RIN3: variants seen among roughly 807,000 people sequenced by gnomAD.
RIN3 encodes the protein RAB5 interacting protein 3.
In RIN3, 54 loss-of-function variants were observed where a neutral mutation model predicts 76.3. The observed-to-expected ratio is 0.71, with a 90% CI of 0.57 to 0.89. The LOEUF is 0.89. RIN3 is among the 40% of genes least tolerant of loss of function. The probability of loss-of-function intolerance (pLI) is 0.00; values close to 1 mark genes in which losing one functional copy is unlikely to be tolerated. For synonymous variants in RIN3, 576 were observed against 564.0 expected (o/e 1.02, Z -0.30); for missense variants, 1,256 against 1,322.1 (o/e 0.95, Z 0.78).
At position 92,540,787 on chromosome 14, in the gene RIN3, C is replaced by G. The variant is rs552595975; in HGVS notation, c.45-14964C>G. Among the ~76,000 whole-genome samples, 51 of 152,292 alleles carry G rather than the reference C, an allele frequency of 3.3e-4. 1 individual carries two copies. In the South Asian group the frequency reaches 0.01, roughly 31 times the overall value. ...GGGCCAGCCTGGCTTGGAAGAGAAG[C>G]CTTCAGGTGGCAGCTAGCCAAGGGT... On this transcript the variant is annotated intron_variant, in intron 1 of 9. Coordinates refer to ENST00000216487, the MANE Select transcript of RIN3 (RefSeq NM_024832.5).
intron 4 of RIN3, among the ~76,000 whole-genome samples, chr14:92,624,827 T>C (rs542223824): frequency 6.6e-6 from 1 of 152,360 alleles, no homozygotes; most frequent in Non-Finnish European, 1.5e-5. Flanking sequence ...CCTGGGACTA[T>C]GGCCCATGAC....
At chr14:92,670,073 T>C (rs1047644457) in intron 7 of RIN3, among the ~76,000 whole-genome samples, 12 of 151,784 alleles carry the variant, frequency 7.9e-5, no homozygotes, top group East Asian at 3.9e-4. Flanking sequence ...TTTTTTTTTT[T>C]TTTTAAGTAG....
chr14:92,674,028 A>T (rs111625149), intron 7 of RIN3, among the ~76,000 whole-genome samples: 115 of 152,298 alleles, frequency 7.6e-4, no homozygotes, highest in African/African-American at 2.4e-3. Flanking sequence ...AAAATATGAG[A>T]GGCTATTTTG....
chr14:92,569,299 G>A (rs993134486), intron 2 of RIN3, among the ~76,000 whole-genome samples: 2 of 152,180 alleles, frequency 1.3e-5, no homozygotes, highest in Non-Finnish European at 1.5e-5. Flanking sequence ...TGAGTGGAGC[G>A]TGGTCCTCAG....
chr14:92,559,722 C>A (rs1380448103), intron 2 of RIN3, among the ~76,000 whole-genome samples: 1 of 152,116 alleles, frequency 6.6e-6, no homozygotes, highest in Non-Finnish European at 1.5e-5. Context: ...AATGGATGGG[C>A]AGGTTGGGAT....
chr14:92,561,255 T>C (rs199735121), intron 2 of RIN3, among the ~76,000 whole-genome samples: 186 of 150,212 alleles, frequency 1.2e-3, no homozygotes, highest in East Asian at 0.011. Flanking sequence ...CTGGCACCGA[T>C]GAAAGACAGT....
chr14:92,613,123 C>T (rs764973376), intron 3 of RIN3, among the ~76,000 whole-genome samples: 11 of 152,218 alleles, frequency 7.2e-5, no homozygotes, highest in East Asian at 1.9e-4. Flanking sequence ...CACTAACCCA[C>T]TCCAGGCATT....
chr14:92,600,396 G>A (rs1026336668), intron 3 of RIN3, among the ~76,000 whole-genome samples: 2 of 152,096 alleles, frequency 1.3e-5, no homozygotes, highest in African/African-American at 4.8e-5. Context: ...GATGCCTAAG[G>A]GGGGTGGGAA....
intron 6 of RIN3, among the ~76,000 whole-genome samples, chr14:92,653,957 G>A (rs1887567524): frequency 6.6e-6 from 1 of 152,152 alleles, no homozygotes; most frequent in Non-Finnish European, 1.5e-5. Context: ...GGCCAAGGCT[G>A]CAAAGAACCA....
chr14:92,533,875 T>G (rs1381155429), intron 1 of RIN3, among the ~76,000 whole-genome samples: 1 of 152,074 alleles, frequency 6.6e-6, no homozygotes, highest in Non-Finnish European at 1.5e-5. Context: ...GAAATAAAAA[T>G]TTTGTTTTAA....
intron 4 of RIN3, among the ~76,000 whole-genome samples, chr14:92,622,737 C>T (rs1886227503): frequency 1.3e-5 from 2 of 152,152 alleles, no homozygotes; most frequent in East Asian, 1.9e-4. Flanking sequence ...AGGTATAGTA[C>T]ATTTTGGGGT....
chr14:92,540,940 A>T (rs1460015656), intron 1 of RIN3, among the ~76,000 whole-genome samples: 2 of 152,226 alleles, frequency 1.3e-5, no homozygotes, highest in Non-Finnish European at 2.9e-5. Context: ...GGCAGACATC[A>T]CTAGCAGATT....
intron 2 of RIN3, among the ~76,000 whole-genome samples, chr14:92,572,453 A>G (rs943992087): frequency 6.6e-6 from 1 of 152,116 alleles, no homozygotes; most frequent in Non-Finnish European, 1.5e-5. Flanking sequence ...GTTTTTTTCT[A>G]TCTCTTGGGA....
chr14:92,559,758 G>A (rs1897709985), intron 2 of RIN3, among the ~76,000 whole-genome samples: 1 of 152,238 alleles, frequency 6.6e-6, no homozygotes, highest in South Asian at 2.1e-4. Flanking sequence ...GTCTGCTGGA[G>A]AGTAGCAGGT....
intron 8 of RIN3, among the ~76,000 whole-genome samples, chr14:92,680,596 T>C (rs1383583582): frequency 6.6e-6 from 1 of 152,022 alleles, no homozygotes; most frequent in Non-Finnish European, 1.5e-5. Context: ...CACCATCACA[T>C]TGGAGGTTAG....
intron 1 of RIN3, among the ~76,000 whole-genome samples, chr14:92,541,897 A>T (rs1261094563): frequency 6.6e-6 from 1 of 152,262 alleles, no homozygotes; most frequent in Non-Finnish European, 1.5e-5. Flanking sequence ...TAAGGGGCTT[A>T]TATCCAGAAT....
chr14:92,649,810 T>C (rs1595482665), intron 5 of RIN3, among the ~76,000 whole-genome samples: 1 of 152,186 alleles, frequency 6.6e-6, no homozygotes, highest in Admixed American at 6.5e-5. Context: ...TGATGAGACC[T>C]GGTCTCTCTC....
chr14:92,677,067 A>G (rs1469742916), intron 8 of RIN3, among the ~76,000 whole-genome samples: 2 of 152,210 alleles, frequency 1.3e-5, no homozygotes, highest in African/African-American at 2.4e-5. Context: ...TCTGAGAGAC[A>G]GTGACAATCA....
chr14:92,641,445 C>G, intron 5 of RIN3, 116 bp downstream of exon 5: 1 of 705,432 alleles, frequency 1.4e-6, no homozygotes, highest in Non-Finnish European at 2.5e-6. Flanking sequence ...TCCCATGGGA[C>G]CACCCACACC....
Sources: allele counts gnomAD v4.1 joint callset (sites outside exome capture counted in the v4.1 genomes callset), GRCh38; gene constraint gnomAD v4.1.1; transcripts MANE v1.5; gene names NCBI Gene and HGNC (gene_info 2026-07-23, HGNC 2026-07-21).